Variants in SLA observed in about 807,000 individuals in gnomAD.
SLA encodes the protein src-like-adapter.
A neutral mutation model predicts 30.3 loss-of-function variants in SLA; 16 were observed. The observed-to-expected ratio is 0.53, with a 90% CI of 0.36 to 0.80. The LOEUF is 0.80. Ranked by LOEUF, SLA falls within the 30% of genes least tolerant of loss-of-function variation. The pLI, the probability that SLA is intolerant of heterozygous loss-of-function variation, is 0.01. For synonymous variants in SLA, 143 were observed against 137.8 expected (o/e 1.04, Z -0.26); for missense variants, 310 against 345.2 (o/e 0.90, Z 0.81).
At chr8:133,065,804 TAA>T (rs999940950) in intron 2 of SLA, among the ~76,000 whole-genome samples, 12 of 148,266 alleles carry the variant, frequency 8.1e-5, no homozygotes, top group African/African-American at 2.6e-4. Context: ...AATAAAAAAG[TAA>T]AATAAAAGTC....
Position 133,074,968 on chromosome 8 carries a change from G to A in SLA, c.-156C>T, listed in dbSNP as rs1844638859. 1.0e-6 allele frequency: 1 copy of A among 985,510 alleles called. No homozygotes were observed. The highest frequency in any genetic ancestry group is 1.2e-6 in the Non-Finnish European group (1 of 829,988). The allele number at this position is 985,510 out of a possible 1,614,324, so 61.0% of individuals were successfully genotyped here. On this transcript the variant is annotated 5_prime_UTR_variant, in exon 2 of 9. Transcript: ENST00000338087. The stretch of plus-strand genomic sequence containing the variant: ...TGCTCCAGAATAAACAGGCAGCCGG[G>A]CTTCTCGCGGTTGTGGAGAAGCAGC...
Position 133,045,014 on chromosome 8 carries a change from A to ACCTT in SLA, c.453_454insAAGG (p.Cys152LysfsTer12). ...TAGTGGTTCACCAGGTCCTCCAGGCACTGGAAGGTGAGCCTCGGGGAAATG... is the reference window on the plus strand; with the variant it reads ...TAGTGGTTCACCAGGTCCTCCAGGCACCTTCTGGAAGGTGAGCCTCGGGGAAATG... On this transcript the variant is annotated frameshift_variant, in exon 7 of 9. Transcript: ENST00000338087. LOFTEE classifies it high-confidence loss of function. 6.2e-7 allele frequency: 1 copy of ACCTT among 1,614,100 alleles called. No individual in the cohort carries two copies. Among genetic ancestry groups the ACCTT allele is most frequent in the Non-Finnish European group, 8.5e-7 (1 of 1,179,924 alleles).
At chr8:133,083,841 T>C (rs2131553071) in intron 1 of SLA, among the ~76,000 whole-genome samples, 1 of 152,226 alleles carries the variant, frequency 6.6e-6, no homozygotes, top group South Asian at 2.1e-4. Flanking sequence ...CCGTCCAGGT[T>C]CTAGTGAAGC....
chr8:133,081,172 T>C (rs1845688824), intron 1 of SLA, among the ~76,000 whole-genome samples: 2 of 152,248 alleles, frequency 1.3e-5, no homozygotes, highest in Admixed American at 6.5e-5. Context: ...ACCCACCAGA[T>C]AGAGGTGCTT....
At chr8:133,072,772 A>C (rs1398896763) in intron 2 of SLA, 1 of 152,200 alleles carries the variant, frequency 6.6e-6, no homozygotes, top group Non-Finnish European at 1.5e-5. Flanking sequence ...TTTTCTTCTG[A>C]AAGTGACTTA....
At chr8:133,062,316 T>A (rs1842479182) in intron 2 of SLA, among the ~76,000 whole-genome samples, 2 of 152,310 alleles carry the variant, frequency 1.3e-5, no homozygotes, top group South Asian at 4.1e-4. Flanking sequence ...ACACCTGCAG[T>A]CCAGGAGGGC....
intron 2 of SLA, among the ~76,000 whole-genome samples, chr8:133,066,875 TG>T (rs1220350448): frequency 6.6e-6 from 1 of 152,228 alleles, no homozygotes; most frequent in African/African-American, 2.4e-5. Context: ...GTGCAGGGGC[TG>T]GGGGGTTGGC....
intron 1 of SLA, among the ~76,000 whole-genome samples, chr8:133,086,061 T>C: frequency 6.6e-6 from 1 of 152,332 alleles, no homozygotes; most frequent in Non-Finnish European, 1.5e-5. Flanking sequence ...ACACTACTAA[T>C]ACCTGCTATA....
At chr8:133,080,615 C>A (rs1564164325) in intron 1 of SLA, among the ~76,000 whole-genome samples, 1 of 152,162 alleles carries the variant, frequency 6.6e-6, no homozygotes, top group Non-Finnish European at 1.5e-5. Context: ...CCACAGGAAC[C>A]ACTTCACCCC....
At chr8:133,077,710 T>C (rs1845107393) in intron 1 of SLA, among the ~76,000 whole-genome samples, 1 of 151,482 alleles carries the variant, frequency 6.6e-6, no homozygotes, top group Admixed American at 6.6e-5. Context: ...TTGGACATTT[T>C]GGATCAGGGC....
At position 133,049,898 on chromosome 8, in the gene SLA, T is replaced by G. The variant is rs1456126315; in HGVS notation, c.248+4A>C. On this transcript the variant is annotated splice_donor_region_variant and intron_variant, in intron 5 of 8. Coordinates refer to ENST00000338087, the MANE Select transcript of SLA (RefSeq NM_001045556.3). ...AATTGCTGCCATTTGAGAAATGTAC[T>G]CACCCATGGTAAACTCTGGCCACAC... 3.8e-6 allele frequency: 6 copies of G among 1,582,840 alleles called. No individual in the cohort carries two copies. Among genetic ancestry groups the G allele is most frequent in the Non-Finnish European group, 4.3e-6 (5 of 1,151,528 alleles).
intron 1 of SLA, among the ~76,000 whole-genome samples, chr8:133,094,263 T>TTTTAC (rs1848066170): frequency 1.4e-5 from 2 of 144,044 alleles, no homozygotes; most frequent in African/African-American, 2.6e-5. Flanking sequence ...TTTTTTTTGA[T>TTTTAC]GGAGTCTTGC....
chr8:133,074,692 G>A (rs994763112), intron 2 of SLA, among the ~76,000 whole-genome samples, 161 bp downstream of exon 2: 1 of 152,202 alleles, frequency 6.6e-6, no homozygotes, highest in East Asian at 1.9e-4. Context: ...ACTGCAGTGT[G>A]CTGGGCACCA....
intron 6 of SLA, chr8:133,046,600 G>A (rs1301048915): frequency 2.0e-5 from 3 of 152,248 alleles, no homozygotes; most frequent in Non-Finnish European, 1.5e-5. Flanking sequence ...ACATCTGCCT[G>A]ATGACATCGT....
intron 2 of SLA, among the ~76,000 whole-genome samples, chr8:133,072,592 G>A (rs1844233962): frequency 6.6e-6 from 1 of 152,204 alleles, no homozygotes; most frequent in African/African-American, 2.4e-5. Flanking sequence ...CTCTCTCAGA[G>A]CTGGGAGAAA....
At chr8:133,097,229 CA>C (rs1848562185) in intron 1 of SLA, among the ~76,000 whole-genome samples, 1 of 152,236 alleles carries the variant, frequency 6.6e-6, no homozygotes, top group African/African-American at 2.4e-5. Context: ...AGCAACCAAA[CA>C]GGATCCTGAG....
intron 1 of SLA, chr8:133,095,196 T>G: frequency 6.2e-7 from 1 of 1,614,222 alleles, no homozygotes; most frequent in Non-Finnish European, 8.5e-7. Context: ...TCCTCAATGA[T>G]GCCCAGACCA....
intron 1 of SLA, among the ~76,000 whole-genome samples, chr8:133,085,664 T>C (rs1360943406): frequency 1.3e-5 from 2 of 152,192 alleles, no homozygotes; most frequent in African/African-American, 4.8e-5. Context: ...AATGAGATAT[T>C]AACTCACACA....
At chr8:133,061,513 G>A (rs1842366316) in intron 2 of SLA, among the ~76,000 whole-genome samples, 2 of 152,182 alleles carry the variant, frequency 1.3e-5, no homozygotes, top group Admixed American at 1.3e-4. Context: ...TTTTGGAAAG[G>A]GACATAGATT....
Sources: gnomAD v4.1 joint callset for allele counts (sites outside exome capture counted in the v4.1 genomes callset) on GRCh38, gnomAD v4.1.1 for gene constraint, MANE v1.5 for transcripts, NCBI Gene and HGNC (gene_info 2026-07-23, HGNC 2026-07-21) for gene names.